The following OPCML variants were observed in gnomAD, a reference collection of about 807,000 sequenced individuals.
OPCML encodes opioid binding protein/cell adhesion molecule like.
OPCML carries 13 observed loss-of-function variants against 37.8 expected under a neutral mutation model. That is an observed-to-expected ratio of 0.34 (90% CI 0.22 to 0.55). The LOEUF is 0.55. Ranked by LOEUF, OPCML falls within the 20% of genes least tolerant of loss-of-function variation. The pLI, the probability that OPCML is intolerant of heterozygous loss-of-function variation, is 0.91. For synonymous variants in OPCML, 176 were observed against 168.8 expected (o/e 1.04, Z -0.33); for missense variants, 341 against 435.6 (o/e 0.78, Z 1.93).
At chr11:132,447,065 C>T (rs2096057268) in intron 4 of OPCML, among the ~76,000 whole-genome samples, 3 of 152,182 alleles carry the variant, frequency 2.0e-5, no homozygotes, top group African/African-American at 7.2e-5. Context: ...AGCAGATGGG[C>T]AGTATACAAA....
At chr11:132,726,220 T>G (rs1238367765) in intron 2 of OPCML, among the ~76,000 whole-genome samples, 2 of 152,236 alleles carry the variant, frequency 1.3e-5, no homozygotes, top group Non-Finnish European at 2.9e-5. Flanking sequence ...AGGAAGAGTT[T>G]TAATCAATTT....
intron 2 of OPCML, among the ~76,000 whole-genome samples, chr11:132,908,259 C>A (rs1944309975): frequency 8.2e-6 from 1 of 121,584 alleles, no homozygotes; most frequent in South Asian, 2.5e-4. Context: ...TTAGTCCCCT[C>A]CCCCAAAGAA....
chr11:132,488,876 C>A (rs2096207716), intron 4 of OPCML, among the ~76,000 whole-genome samples: 1 of 152,154 alleles, frequency 6.6e-6, no homozygotes, highest in Non-Finnish European at 1.5e-5. Context: ...CTGATAGAAA[C>A]ACCAGTGGCA....
intron 2 of OPCML, among the ~76,000 whole-genome samples, chr11:132,657,722 C>A (rs1591684461): frequency 6.6e-6 from 1 of 152,150 alleles, no homozygotes; most frequent in East Asian, 1.9e-4. Flanking sequence ...AGATAACCCA[C>A]AAAGCAAATA....
Position 132,821,874 on chromosome 11 carries a change from C to G in OPCML, c.146+121052G>C, listed in dbSNP as rs369995009. On this transcript the variant is annotated intron_variant, in intron 2 of 7. Transcript: ENST00000524381. Reference sequence around the variant, plus strand: ...CATTGCACTCGGTTGGATTCAATCTCCCATGGCTTCTCTGCCAACCTTGTC... The same window carrying G: ...CATTGCACTCGGTTGGATTCAATCTGCCATGGCTTCTCTGCCAACCTTGTC... Among the ~76,000 whole-genome samples, 29 of 152,256 alleles carry G rather than the reference C, an allele frequency of 1.9e-4. No individual in the cohort carries two copies. The East Asian group carries it at 5.6e-3, about 29-fold the overall frequency.
intron 1 of OPCML, among the ~76,000 whole-genome samples, chr11:132,964,628 C>T (rs1191612511): frequency 2.0e-5 from 3 of 152,138 alleles, no homozygotes; most frequent in Admixed American, 6.6e-5. Context: ...CCTGTTACAT[C>T]CTACCGCTTC....
At chr11:132,424,500 A>G (rs2095971418) in intron 7 of OPCML, among the ~76,000 whole-genome samples, 1 of 152,192 alleles carries the variant, frequency 6.6e-6, no homozygotes. Context: ...CGGGTTTGGA[A>G]GAAAGGCGAA....
At chr11:133,182,120 G>A (rs574925294) in intron 1 of OPCML, among the ~76,000 whole-genome samples, 1 of 152,288 alleles carries the variant, frequency 6.6e-6, no homozygotes, top group South Asian at 2.1e-4. Context: ...TACCCCTAAT[G>A]CTAAATAACT....
At chr11:132,950,705 A>G (rs952630260) in intron 1 of OPCML, among the ~76,000 whole-genome samples, 1 of 152,180 alleles carries the variant, frequency 6.6e-6, no homozygotes, top group Non-Finnish European at 1.5e-5. Flanking sequence ...GGAACCCTCA[A>G]TCTGGATCTA....
chr11:133,402,629 G>C (rs1009336949), intron 1 of OPCML, among the ~76,000 whole-genome samples: 6 of 152,080 alleles, frequency 3.9e-5, no homozygotes, highest in African/African-American at 1.4e-4. Flanking sequence ...AGTTATAAAA[G>C]TACCCAATCT....
At chr11:132,890,888 A>C (rs1184144043) in intron 2 of OPCML, among the ~76,000 whole-genome samples, 2 of 151,498 alleles carry the variant, frequency 1.3e-5, no homozygotes, top group East Asian at 3.9e-4. Context: ...AAAAAAGAAA[A>C]GAAAAATGAC....
At chr11:132,430,065 G>A (rs908036541) in intron 7 of OPCML, among the ~76,000 whole-genome samples, 2 of 152,142 alleles carry the variant, frequency 1.3e-5, no homozygotes, top group African/African-American at 4.8e-5. Context: ...GACAGATCGT[G>A]GTAGCTGAGG....
At chr11:133,290,792 G>A (rs565757472) in intron 1 of OPCML, among the ~76,000 whole-genome samples, 1 of 152,372 alleles carries the variant, frequency 6.6e-6, no homozygotes, top group South Asian at 2.1e-4. Flanking sequence ...TCCACTGAGT[G>A]GGTGAAGGCA....
At chr11:132,968,079 A>T (rs1310140113) in intron 1 of OPCML, among the ~76,000 whole-genome samples, 2 of 152,190 alleles carry the variant, frequency 1.3e-5, no homozygotes, top group Non-Finnish European at 2.9e-5. Context: ...ACAAATATAT[A>T]TCGACACATT....
At chr11:133,486,420 C>T (rs1303688612) in intron 1 of OPCML, among the ~76,000 whole-genome samples, 3 of 152,156 alleles carry the variant, frequency 2.0e-5, no homozygotes, top group African/African-American at 4.8e-5. Flanking sequence ...ATTTGACTAC[C>T]AACAACTTCC....
intron 1 of OPCML, among the ~76,000 whole-genome samples, chr11:133,390,425 T>C (rs1039473379): frequency 6.6e-6 from 1 of 152,154 alleles, no homozygotes; most frequent in African/African-American, 2.4e-5. Flanking sequence ...ATCGCGCCAC[T>C]GCACTCCAGC....
rs886994678 is a variant in OPCML, at chr11:133,433,271, T to A, written c.61+98993A>T. ...CGTCTCAAAAAAAAAAAAAAAAAAATATTACTGATGGATTTTAATGTTCTC... is the reference window on the plus strand; with the variant it reads ...CGTCTCAAAAAAAAAAAAAAAAAAAAATTACTGATGGATTTTAATGTTCTC... On this transcript the variant is annotated intron_variant, in intron 1 of 7. Coordinates refer to ENST00000524381, the MANE Select transcript of OPCML (RefSeq NM_001012393.5). Among the ~76,000 whole-genome samples the A allele has an allele frequency of 3.4e-3, 420 of 125,166 alleles. 13 individuals are homozygous for A. The highest frequency in any genetic ancestry group is 0.013 in the African/African-American group (328 of 25,370). The allele number at this position is 125,166 out of a possible 152,430, so 82.1% of individuals were successfully genotyped here.
intron 1 of OPCML, among the ~76,000 whole-genome samples, chr11:133,250,581 T>C (rs990022400): frequency 6.6e-6 from 1 of 151,094 alleles, no homozygotes; most frequent in Non-Finnish European, 1.5e-5. Context: ...AGGAAGAAAA[T>C]TAAACAAAAA....
At chr11:132,496,587 C>G (rs76468461) in intron 4 of OPCML, among the ~76,000 whole-genome samples, 4,714 of 152,258 alleles carry the variant, frequency 0.031, 235 homozygotes, top group African/African-American at 0.11. Context: ...TGGCTTGGGC[C>G]AAGGAGCTCT....
Sources: gnomAD v4.1 joint callset for allele counts (sites outside exome capture counted in the v4.1 genomes callset) on GRCh38, gnomAD v4.1.1 for gene constraint, MANE v1.5 for transcripts, NCBI Gene and HGNC (gene_info 2026-07-23, HGNC 2026-07-21) for gene names.